KCTD8: variants seen among roughly 807,000 people sequenced by gnomAD.
KCTD8 encodes potassium channel tetramerization domain containing 8.
A neutral mutation model predicts 31.5 loss-of-function variants in KCTD8; 27 were observed. The observed-to-expected ratio is 0.86, with a 90% CI of 0.63 to 1.18. The LOEUF (loss-of-function observed/expected upper bound fraction) is 1.18, where lower values mean the gene tolerates loss of function less well. Ranked by LOEUF, KCTD8 falls within the 50% of genes most tolerant of loss-of-function variation. The pLI, the probability that KCTD8 is intolerant of heterozygous loss-of-function variation, is 0.00. For synonymous variants in KCTD8, 290 were observed against 280.0 expected (o/e 1.04, Z -0.36); for missense variants, 658 against 647.7 (o/e 1.02, Z -0.17).
intron 1 of KCTD8, among the ~76,000 whole-genome samples, chr4:44,351,438 T>TCA: frequency 6.6e-6 from 1 of 152,144 alleles, no homozygotes; most frequent in Non-Finnish European, 1.5e-5. Context: ...CCAAATTAGA[T>TCA]TTCCATATCA....
intron 1 of KCTD8, among the ~76,000 whole-genome samples, chr4:44,288,216 G>T (rs73811997): frequency 0.029 from 4,461 of 152,166 alleles, 231 homozygotes; most frequent in African/African-American, 0.1. Flanking sequence ...AGAAGAAGTT[G>T]AGAAATGGCT....
chr4:44,312,047 G>T (rs376599462), intron 1 of KCTD8, among the ~76,000 whole-genome samples: 3 of 151,958 alleles, frequency 2.0e-5, no homozygotes, highest in African/African-American at 7.2e-5. Context: ...TTTGAGTTTG[G>T]GGTGTATCTA....
chr4:44,332,040 A>G (rs1448698729), intron 1 of KCTD8, among the ~76,000 whole-genome samples: 1 of 151,850 alleles, frequency 6.6e-6, no homozygotes, highest in Non-Finnish European at 1.5e-5. Context: ...CTCTCAACTG[A>G]AACATGGTCC....
At chr4:44,372,447 G>A (rs1319553911) in intron 1 of KCTD8, among the ~76,000 whole-genome samples, 1 of 152,170 alleles carries the variant, frequency 6.6e-6, no homozygotes, top group African/African-American at 2.4e-5. Flanking sequence ...ATCAACCTAA[G>A]GGCAGGAAGG....
Position 44,222,456 on chromosome 4 carries a change from A to G in KCTD8, c.962-47206T>C, listed in dbSNP as rs547965411. Among the ~76,000 whole-genome samples the G allele has an allele frequency of 9.8e-4, 149 of 152,296 alleles. 1 individual carries two copies. Among genetic ancestry groups the G allele is most frequent in the Middle Eastern group, 3.4e-3 (1 of 294 alleles). ...TAGCACCTACCTTCTCCACAGTTGCATATGTAGGATTAGTAATCAGAGAAG... is the reference window on the plus strand; with the variant it reads ...TAGCACCTACCTTCTCCACAGTTGCGTATGTAGGATTAGTAATCAGAGAAG... On this transcript the variant is annotated intron_variant, in intron 1 of 1. Transcript: ENST00000360029.
At position 44,181,298 on chromosome 4, in the gene KCTD8, C is replaced by T. The variant is rs149549223; in HGVS notation, c.962-6048G>A. On this transcript the variant is annotated intron_variant, in intron 1 of 1. Coordinates refer to ENST00000360029, the MANE Select transcript of KCTD8 (RefSeq NM_198353.3). ...CCACCGTCTCCCTCTGATGCCGAGC[C>T]GAGGCTGGACTCTGCTGCTGCCATC... is the stretch of plus-strand genomic sequence containing the variant. 5.9e-5 allele frequency among the ~76,000 whole-genome samples: 9 copies of T among 151,798 alleles called. No individual in the cohort carries two copies. The East Asian group carries it at 1.8e-3, about 30-fold the overall frequency.
chr4:44,307,378 C>A (rs1717833476), intron 1 of KCTD8, among the ~76,000 whole-genome samples: 1 of 151,904 alleles, frequency 6.6e-6, no homozygotes, highest in Non-Finnish European at 1.5e-5. Context: ...TTGCCTAAAA[C>A]TGGTCTGTAA....
chr4:44,348,485 A>C (rs1719095825), intron 1 of KCTD8, among the ~76,000 whole-genome samples: 1 of 152,234 alleles, frequency 6.6e-6, no homozygotes, highest in South Asian at 2.1e-4. Flanking sequence ...GATGCAAGTT[A>C]AGTGTGTATG....
chr4:44,204,490 C>G (rs1466886767), intron 1 of KCTD8, among the ~76,000 whole-genome samples: 2 of 152,026 alleles, frequency 1.3e-5, no homozygotes, highest in African/African-American at 4.8e-5. Flanking sequence ...TGCATGCAGC[C>G]CCCAGTCATG....
At position 44,175,233 on chromosome 4, in the gene KCTD8, C is replaced by A; in HGVS notation, c.979G>T (p.Val327Leu). The A allele has an allele frequency of 6.4e-7, 1 of 1,554,012 alleles. No homozygotes were observed. ...YIFFRPPQKI[V>L]SPKQEHEDRK... ...TCTTCATGTTCTTGTTTAGGTGATA[C>A]TATTTTCTGAGGTGGTCCTAAAAAG... Residue 327 changes from valine to leucine, a missense_variant, in exon 2 of 2, where the codon GTA becomes TTA. Coordinates refer to ENST00000360029, the MANE Select transcript of KCTD8 (RefSeq NM_198353.3).
chr4:44,242,533 G>C (rs142314166), intron 1 of KCTD8, among the ~76,000 whole-genome samples: 5,415 of 152,106 alleles, frequency 0.036, 149 homozygotes, highest in Non-Finnish European at 0.047. Context: ...AGCCGAGATA[G>C]CACCACTGCA....
intron 1 of KCTD8, among the ~76,000 whole-genome samples, chr4:44,389,002 T>C (rs1271663824): frequency 2.0e-5 from 3 of 151,812 alleles, no homozygotes; most frequent in African/African-American, 7.2e-5. Flanking sequence ...GACATTATGA[T>C]AAGTGAAATA....
rs1247203105 is a variant in KCTD8, at chr4:44,448,756, A to G, written c.-233T>C. 2.6e-6 allele frequency: 1 copy of G among 384,604 alleles called. No homozygotes were observed. Among genetic ancestry groups the G allele is most frequent in the Non-Finnish European group, 4.5e-6 (1 of 219,842 alleles). 23.8% of individuals were successfully genotyped at this position (384,604 alleles called of 1,614,324 possible). Reference sequence around the variant, plus strand: ...GGAGCTCCGCCGGTGCGGCGGCGGCAATGGAGAGGCAAGAAGGAGCTGCTG... The same window carrying G: ...GGAGCTCCGCCGGTGCGGCGGCGGCGATGGAGAGGCAAGAAGGAGCTGCTG... On this transcript the variant is annotated 5_prime_UTR_variant, in exon 1 of 2. Transcript: ENST00000360029. This position sits in a 1 kb window ranked among gnomAD's most constrained non-coding sequence, Gnocchi z 4.1.
At chr4:44,307,120 A>G (rs1460213939) in intron 1 of KCTD8, among the ~76,000 whole-genome samples, 1 of 152,030 alleles carries the variant, frequency 6.6e-6, no homozygotes, top group South Asian at 2.1e-4. Context: ...AAGATATTTT[A>G]TTAGGAGGTA....
intron 1 of KCTD8, among the ~76,000 whole-genome samples, chr4:44,349,609 T>A (rs1445703368): frequency 2.0e-5 from 3 of 152,152 alleles, no homozygotes; most frequent in East Asian, 1.9e-4. Flanking sequence ...GCAGGTTCTT[T>A]CCAGAAGGGA....
At chr4:44,305,370 G>T (rs1717770736) in intron 1 of KCTD8, among the ~76,000 whole-genome samples, 1 of 151,530 alleles carries the variant, frequency 6.6e-6, no homozygotes, top group Non-Finnish European at 1.5e-5. Context: ...TAACAGGACA[G>T]AAATATTGAA....
At chr4:44,235,546 TATATATATATATATATATATATATATATA>T (rs1560402017) in intron 1 of KCTD8, among the ~76,000 whole-genome samples, 1 of 53,044 alleles carries the variant, frequency 1.9e-5, no homozygotes, top group Non-Finnish European at 3.4e-5. Flanking sequence ...TATATATATA[TATATATATATATATATATATATATATATA>T]TTTAGAGAGA....
chr4:44,201,335 A>C (rs1714143584), intron 1 of KCTD8, among the ~76,000 whole-genome samples: 2 of 152,154 alleles, frequency 1.3e-5, no homozygotes, highest in Admixed American at 6.5e-5. Context: ...ACCAAAAAAG[A>C]GCCTAAATAT....
At chr4:44,196,899 C>T (rs978957435) in intron 1 of KCTD8, among the ~76,000 whole-genome samples, 10 of 152,190 alleles carry the variant, frequency 6.6e-5, no homozygotes, top group African/African-American at 2.4e-4. Context: ...GCCATAACAC[C>T]AACAGAGGCC....
Sources: allele counts gnomAD v4.1 joint callset (sites outside exome capture counted in the v4.1 genomes callset), GRCh38; gene constraint gnomAD v4.1.1; non-coding constraint Gnocchi (gnomAD v3.1); transcripts MANE v1.5; gene names NCBI Gene and HGNC (gene_info 2026-07-23, HGNC 2026-07-21).